The following GRM7 variants were observed in gnomAD, a reference collection of about 807,000 sequenced individuals.
The protein encoded by GRM7 is metabotropic glutamate receptor 7.
In GRM7, 35 loss-of-function variants were observed where a neutral mutation model predicts 84.5. That is an observed-to-expected ratio of 0.41 (90% CI 0.32 to 0.55). GRM7 has a LOEUF of 0.55. Among genes scored for constraint, GRM7 ranks in the 20% least tolerant of loss-of-function variants. The pLI is 0.19. For synonymous variants in GRM7, 487 were observed against 455.1 expected, an observed-to-expected ratio of 1.07 and a Z score of -0.89; for missense variants, 1,003 against 1,194.6, an observed-to-expected ratio of 0.84 and a Z score of 2.36.
In GRM7 at chr3:7,363,880, CTTTG is replaced by C. The variant is rs1481113467; in HGVS notation, c.1034-51136_1034-51133del. Among the ~76,000 whole-genome samples, 27 of 152,060 alleles carry C rather than the reference CTTTG, an allele frequency of 1.8e-4. No homozygotes were observed. In the East Asian group the frequency reaches 2.1e-3, roughly 12 times the overall value. On this transcript the variant is annotated intron_variant, in intron 4 of 9. Coordinates refer to ENST00000357716, the MANE Select transcript of GRM7 (RefSeq NM_000844.4). ...TTTGCATTGCATGATCAGTTTCCAT[CTTTG>C]TTTGTTATTCTAATTTTCTCTTCTG... is the stretch of plus-strand genomic sequence containing the variant.
intron 1 of GRM7, among the ~76,000 whole-genome samples, chr3:7,067,658 A>G (rs1697716205): frequency 6.6e-6 from 1 of 151,918 alleles, no homozygotes; most frequent in African/African-American, 2.4e-5. Context: ...ACTACAAACA[A>G]GGCTCCATGG....
At chr3:7,483,152 T>C (rs1300639051) in intron 7 of GRM7, among the ~76,000 whole-genome samples, 1 of 152,206 alleles carries the variant, frequency 6.6e-6, no homozygotes, top group Non-Finnish European at 1.5e-5. Context: ...AGTTGTATTG[T>C]AAATACTGAG....
At chr3:7,198,583 A>AGG (rs1695959016) in intron 2 of GRM7, among the ~76,000 whole-genome samples, 1 of 152,198 alleles carries the variant, frequency 6.6e-6, no homozygotes, top group Non-Finnish European at 1.5e-5. Context: ...GACACCATAC[A>AGG]TTAGCCTAGC....
At chr3:7,469,544 T>A (rs1698608986) in intron 7 of GRM7, among the ~76,000 whole-genome samples, 1 of 152,194 alleles carries the variant, frequency 6.6e-6, no homozygotes, top group Non-Finnish European at 1.5e-5. Flanking sequence ...TAACTAATCA[T>A]CAAACCATTG....
At chr3:7,386,455 C>G (rs1694790441) in intron 4 of GRM7, among the ~76,000 whole-genome samples, 1 of 152,108 alleles carries the variant, frequency 6.6e-6, no homozygotes, top group Admixed American at 6.6e-5. Context: ...TCTCCAGTGT[C>G]TATTGTTCTC....
intron 1 of GRM7, among the ~76,000 whole-genome samples, chr3:7,117,763 C>T (rs956068904): frequency 6.6e-6 from 1 of 152,178 alleles, no homozygotes; most frequent in Non-Finnish European, 1.5e-5. Flanking sequence ...GCCTCCGTGT[C>T]ATCATTGTAA....
At chr3:7,052,717 G>C (rs928954228) in intron 1 of GRM7, among the ~76,000 whole-genome samples, 2 of 111,042 alleles carry the variant, frequency 1.8e-5, no homozygotes, top group African/African-American at 1.0e-4. Flanking sequence ...GCAAGTATCG[G>C]TAGTTTTTTT....
At chr3:7,588,579 T>G (rs567841907) in intron 8 of GRM7, among the ~76,000 whole-genome samples, 1 of 152,186 alleles carries the variant, frequency 6.6e-6, no homozygotes, top group East Asian at 1.9e-4. Flanking sequence ...ATGTACATGA[T>G]GGTGTTGGGG....
intron 1 of GRM7, among the ~76,000 whole-genome samples, chr3:6,875,428 C>T (rs1695267828): frequency 6.6e-6 from 1 of 152,088 alleles, no homozygotes. Flanking sequence ...GAATAAGTCT[C>T]ACGAGATCTG....
chr3:7,320,922 A>G (rs1184402659), intron 4 of GRM7, among the ~76,000 whole-genome samples: 1 of 152,042 alleles, frequency 6.6e-6, no homozygotes, highest in Non-Finnish European at 1.5e-5. Context: ...GAAAGATTGT[A>G]TTAAGACACA....
At chr3:7,043,617 A>G (rs760576481) in intron 1 of GRM7, among the ~76,000 whole-genome samples, 86 of 152,344 alleles carry the variant, frequency 5.6e-4, no homozygotes, top group Admixed American at 4.7e-3. Context: ...CAGAAGCAGA[A>G]ATAGTGCATA....
At chr3:7,092,723 C>A in intron 1 of GRM7, among the ~76,000 whole-genome samples, 1 of 152,096 alleles carries the variant, frequency 6.6e-6, no homozygotes, top group Non-Finnish European at 1.5e-5. Flanking sequence ...TTATCAGAAT[C>A]TCACTGAGAT....
chr3:6,874,239 T>A (rs1443147867), intron 1 of GRM7, among the ~76,000 whole-genome samples: 1 of 152,248 alleles, frequency 6.6e-6, no homozygotes, highest in Non-Finnish European at 1.5e-5. Flanking sequence ...TAACTGCTTA[T>A]AATAACTCAT....
At chr3:7,075,532 G>GTGTGTGTGTGTGTGTGTGTT (rs1559422775) in intron 1 of GRM7, among the ~76,000 whole-genome samples, 14 of 147,718 alleles carry the variant, frequency 9.5e-5, no homozygotes, top group African/African-American at 3.3e-4. Flanking sequence ...GTGTGTGTGT[G>GTGTGTGTGTGTGTGTGTGTT]TGTGTGTGTG....
chr3:7,290,143 G>A (rs940374945), intron 2 of GRM7, among the ~76,000 whole-genome samples: 3 of 152,176 alleles, frequency 2.0e-5, no homozygotes, highest in Admixed American at 2.0e-4. Context: ...TTTTTTAAAT[G>A]AATACATGAA....
intron 1 of GRM7, among the ~76,000 whole-genome samples, chr3:6,988,375 G>A (rs1246948749): frequency 2.0e-5 from 3 of 151,764 alleles, no homozygotes; most frequent in Non-Finnish European, 4.4e-5. Flanking sequence ...CTGTTGGGTG[G>A]CTCTCAGGAG....
At chr3:7,143,965 A>G (rs1694029944) in intron 1 of GRM7, among the ~76,000 whole-genome samples, 1 of 152,110 alleles carries the variant, frequency 6.6e-6, no homozygotes, top group African/African-American at 2.4e-5. Context: ...CCTAAAACTT[A>G]TAATCTCCAA....
intron 4 of GRM7, among the ~76,000 whole-genome samples, chr3:7,309,340 T>C (rs1247550770): frequency 6.6e-6 from 1 of 152,186 alleles, no homozygotes; most frequent in Admixed American, 6.5e-5. Flanking sequence ...GCAGAGCCTA[T>C]GTGGGCAAGT....
intron 7 of GRM7, among the ~76,000 whole-genome samples, chr3:7,547,218 T>G: frequency 8.0e-6 from 1 of 124,724 alleles, no homozygotes; most frequent in Admixed American, 8.1e-5. Flanking sequence ...TTTTTTTTTT[T>G]TTTTTTGAGA....
Sources: allele counts gnomAD v4.1 joint callset (sites outside exome capture counted in the v4.1 genomes callset), GRCh38; gene constraint gnomAD v4.1.1; transcripts MANE v1.5; gene names NCBI Gene and HGNC (gene_info 2026-07-23, HGNC 2026-07-21).